The following LPXN variants were observed in gnomAD, a reference collection of about 807,000 sequenced individuals.
The protein encoded by LPXN is leupaxin.
LPXN carries 28 observed loss-of-function variants against 45.6 expected under a neutral mutation model. That is an observed-to-expected ratio of 0.61 (90% CI 0.45 to 0.84). LPXN has a LOEUF of 0.84. LPXN is among the 40% of genes least tolerant of loss of function. The pLI, the probability that LPXN is intolerant of heterozygous loss-of-function variation, is 0.00. For missense variants in LPXN, 459 were observed against 475.0 expected (o/e 0.97, Z 0.31); for synonymous variants, 166 against 169.9 (o/e 0.98, Z 0.18).
intron 3 of LPXN, among the ~76,000 whole-genome samples, chr11:58,562,843 T>G (rs921077673): frequency 3.3e-5 from 5 of 152,088 alleles, no homozygotes; most frequent in Non-Finnish European, 7.4e-5. Context: ...TTCACTGCTT[T>G]TTACCCTGCA....
At chr11:58,562,921 C>T (rs953929986) in intron 3 of LPXN, among the ~76,000 whole-genome samples, 8 of 152,084 alleles carry the variant, frequency 5.3e-5, no homozygotes, top group Non-Finnish European at 1.0e-4. Context: ...CCTGGAAAAC[C>T]CAAGGGGTCA....
intron 7 of LPXN, among the ~76,000 whole-genome samples, chr11:58,536,964 C>T (rs1853572329): frequency 6.6e-6 from 1 of 151,694 alleles, no homozygotes; most frequent in African/African-American, 2.4e-5. Context: ...TAATGAGATA[C>T]CATCTCACGC....
At chr11:58,573,259 A>G (rs1415191282) in intron 1 of LPXN, among the ~76,000 whole-genome samples, 1 of 151,600 alleles carries the variant, frequency 6.6e-6, no homozygotes, top group Non-Finnish European at 1.5e-5. Flanking sequence ...AAAAAAAAAA[A>G]AAGAAAAGAA....
rs957849988 is a variant in LPXN at position 58,542,046 on chromosome 11, G to A, written c.742+7740C>T. ...CACACTCTGAGGACTGTTGTGGGGT[G>A]GGGGGAGTGGGGAGGGATAGCATTA... On this transcript the variant is annotated intron_variant, in intron 7 of 8. Coordinates refer to ENST00000395074, the MANE Select transcript of LPXN (RefSeq NM_004811.3). Among the ~76,000 whole-genome samples the A allele has an allele frequency of 1.2e-4, 18 of 151,722 alleles. 1 individual carries two copies. The highest frequency in any genetic ancestry group is 2.5e-4 in the Non-Finnish European group (17 of 67,948).
chr11:58,557,335 G>C (rs1233032543), intron 3 of LPXN, among the ~76,000 whole-genome samples: 1 of 152,126 alleles, frequency 6.6e-6, no homozygotes, highest in Non-Finnish European at 1.5e-5. Context: ...ATGGAATAAA[G>C]AAATTGTGAA....
chr11:58,573,458 T>A (rs1854777032), intron 1 of LPXN, among the ~76,000 whole-genome samples: 1 of 152,158 alleles, frequency 6.6e-6, no homozygotes, highest in Non-Finnish European at 1.5e-5. Flanking sequence ...AAGATCCTCC[T>A]GAGCTCAAAA....
chr11:58,549,560 T>G (rs891775719), intron 7 of LPXN, among the ~76,000 whole-genome samples: 1 of 152,250 alleles, frequency 6.6e-6, no homozygotes, highest in Admixed American at 6.5e-5. Flanking sequence ...TGAAGTAATA[T>G]TTGAGTTTTT....
intron 7 of LPXN, among the ~76,000 whole-genome samples, chr11:58,529,625 G>T (rs1347577323): frequency 6.9e-6 from 1 of 145,168 alleles, no homozygotes; most frequent in Non-Finnish European, 1.5e-5. Context: ...AAAAAAAAAA[G>T]TAAAAAAATT....
intron 8 of LPXN, 98 bp from the exon 9 acceptor site, chr11:58,527,821 T>A (rs945449625): frequency 1.6e-6 from 2 of 1,259,162 alleles, no homozygotes; most frequent in Admixed American, 4.7e-5. Flanking sequence ...GACAGTTACC[T>A]GCCAGCTACA....
chr11:58,544,645 A>C lies in LPXN; in HGVS notation c.742+5141T>G, dbSNP rs11229520. ...TACCCCTGCATTTCATAATCTAATA[A>C]ATTAAGAAAGTTTCAGCTCTTGCTT... On this transcript the variant is annotated intron_variant, in intron 7 of 8. Transcript: ENST00000395074. Among the ~76,000 whole-genome samples, 1,003 of 152,248 alleles carry C rather than the reference A, an allele frequency of 6.6e-3. 13 individuals are homozygous for C. Among genetic ancestry groups the C allele is most frequent in the African/African-American group, 0.023 (964 of 41,554 alleles).
At chr11:58,575,429 T>C (rs779961364) in intron 1 of LPXN, among the ~76,000 whole-genome samples, 2 of 152,192 alleles carry the variant, frequency 1.3e-5, no homozygotes, top group Non-Finnish European at 2.9e-5. Flanking sequence ...GTGGCCACCC[T>C]TGATCTCCAG....
chr11:58,532,889 C>T (rs577936510), intron 7 of LPXN, among the ~76,000 whole-genome samples: 2 of 152,314 alleles, frequency 1.3e-5, no homozygotes, highest in African/African-American at 2.4e-5. Flanking sequence ...TCTTTGGGTC[C>T]GCACTGCCTT....
intron 3 of LPXN, among the ~76,000 whole-genome samples, chr11:58,560,840 T>G (rs886093688): frequency 6.6e-6 from 1 of 152,244 alleles, no homozygotes; most frequent in Non-Finnish European, 1.5e-5. Flanking sequence ...GTTTAAAGGC[T>G]ATATATTTTC....
chr11:58,578,121 C>A (rs1854963780), upstream of LPXN: 1 of 1,517,332 alleles, frequency 6.6e-7, no homozygotes, highest in South Asian at 1.2e-5. Flanking sequence ...TACGCAGACA[C>A]CCCGAGAAAG....
chr11:58,550,368 C>G (rs1565194232), intron 5 of LPXN, among the ~76,000 whole-genome samples: 1 of 152,208 alleles, frequency 6.6e-6, no homozygotes, highest in Non-Finnish European at 1.5e-5. Flanking sequence ...GGACTGATCA[C>G]TGTGATGAAA....
chr11:58,571,807 G>C (rs960557795), intron 1 of LPXN, among the ~76,000 whole-genome samples: 1 of 152,140 alleles, frequency 6.6e-6, no homozygotes, highest in Non-Finnish European at 1.5e-5. Flanking sequence ...CTTTGAGGCA[G>C]ATGATATTAT....
At chr11:58,532,712 C>A (rs951313729) in intron 7 of LPXN, among the ~76,000 whole-genome samples, 1 of 152,186 alleles carries the variant, frequency 6.6e-6, no homozygotes, top group Non-Finnish European at 1.5e-5. Flanking sequence ...GTAAAATGGA[C>A]CAATCAGCTC....
chr11:58,537,402 A>G (rs186162123), intron 7 of LPXN, among the ~76,000 whole-genome samples: 1 of 152,298 alleles, frequency 6.6e-6, no homozygotes, highest in East Asian at 1.9e-4. Flanking sequence ...TCAGCAAACT[A>G]ACACAGGAAC....
upstream of LPXN, chr11:58,578,050 C>A (rs527891737): frequency 3.1e-5 from 48 of 1,550,646 alleles, no homozygotes; most frequent in African/African-American, 6.2e-4. Context: ...TAGACATGAA[C>A]GCTGGCTAGC....
Sources: allele counts gnomAD v4.1 joint callset (sites outside exome capture counted in the v4.1 genomes callset), GRCh38; gene constraint gnomAD v4.1.1; transcripts MANE v1.5; gene names NCBI Gene and HGNC (gene_info 2026-07-23, HGNC 2026-07-21).